EPHA3: variants seen among roughly 807,000 people sequenced by gnomAD.
EPHA3 encodes the protein EPH receptor A3, also known as ephrin type-A receptor 3.
A neutral mutation model predicts 107.1 loss-of-function variants in EPHA3; 42 were observed. That is an observed-to-expected ratio of 0.39 (90% CI 0.31 to 0.51). The LOEUF is 0.51. EPHA3 is among the 20% of genes least tolerant of loss of function. EPHA3 has a pLI of 0.78. For missense variants in EPHA3, 1,183 were observed against 1,211.2 expected (o/e 0.98, Z 0.35); for synonymous variants, 461 against 424.8 (o/e 1.09, Z -1.05).
chr3:89,127,262 C>T lies in EPHA3; in HGVS notation c.142C>T (p.Pro48Ser). 6.2e-7 allele frequency: 1 copy of T among 1,612,032 alleles called. No homozygotes were observed. Among genetic ancestry groups the T allele is most frequent in the Non-Finnish European group, 8.5e-7 (1 of 1,178,454 alleles). ...AGGGGAGCTGGGCTGGATCTCTTAT[C>T]CATCACATGGGGTGAGTTCAATAAA... is the stretch of plus-strand genomic sequence containing the variant. ...IQGELGWISY[P>S]SHGWEEISGV... Residue 48 changes from proline (P) to serine (S), a missense_variant, in exon 2 of 17, where the codon CCA becomes TCA. By Grantham distance (74) the Pro-to-Ser change is moderately conservative (BLOSUM62 -1). Coordinates refer to ENST00000336596, the MANE Select transcript of EPHA3 (RefSeq NM_005233.6).
chr3:89,219,688 G>GTGTTTTTTTTTTTTTTTT lies in EPHA3; in HGVS notation c.814+9169_814+9170insGTTTTTTTTTTTTTTTTT. Reference sequence around the variant, plus strand: ...TTACCTCCAAGAGGCATTTGGCAATGTTTTTTTTTTTTTTGTTTTTTGTTT... The same window carrying GTGTTTTTTTTTTTTTTTT: ...TTACCTCCAAGAGGCATTTGGCAATGTGTTTTTTTTTTTTTTTTTTTTTTTTTTTTTTGTTTTTTGTTT... On this transcript the variant is annotated intron_variant, in intron 3 of 16. Transcript: ENST00000336596. Among the ~76,000 whole-genome samples the GTGTTTTTTTTTTTTTTTT allele has an allele frequency of 6.2e-3, 212 of 34,440 alleles. 93 individuals carry two copies. Among genetic ancestry groups the GTGTTTTTTTTTTTTTTTT allele is most frequent in the Non-Finnish European group, 9.0e-3 (173 of 19,124 alleles). 22.6% of individuals were successfully genotyped at this position (34,440 alleles called of 152,430 possible). A position where few individuals can be genotyped will look rare whatever the true frequency, so the allele number is the denominator to read the frequency against.
intron 2 of EPHA3, among the ~76,000 whole-genome samples, chr3:89,165,435 C>T (rs1224549776): frequency 6.6e-6 from 1 of 152,112 alleles, no homozygotes; most frequent in African/African-American, 2.4e-5. Context: ...AAATATATTT[C>T]AAATTGGTTC....
At chr3:89,184,012 G>GT (rs561133881) in intron 2 of EPHA3, among the ~76,000 whole-genome samples, 13 of 151,472 alleles carry the variant, frequency 8.6e-5, no homozygotes, top group South Asian at 4.2e-4. Context: ...AGTATTTTGT[G>GT]TTTTTTTTAA....
At chr3:89,128,299 C>T (rs1302523826) in intron 2 of EPHA3, among the ~76,000 whole-genome samples, 1 of 152,100 alleles carries the variant, frequency 6.6e-6, no homozygotes, top group Admixed American at 6.5e-5. Flanking sequence ...TCCTGACACA[C>T]CTTGACTTTG....
intron 2 of EPHA3, among the ~76,000 whole-genome samples, chr3:89,183,691 T>A (rs7373480): frequency 0.95 from 144,436 of 152,044 alleles, 68,688 homozygotes; most frequent in African/African-American, 0.97. Flanking sequence ...GATGATTTTT[T>A]AAAGACTTTA....
At chr3:89,349,726 T>A (rs1707761218) in intron 5 of EPHA3, among the ~76,000 whole-genome samples, 1 of 150,274 alleles carries the variant, frequency 6.7e-6, no homozygotes, top group Admixed American at 6.7e-5. Flanking sequence ...GGTCTTTACA[T>A]TTTGGCATGA....
chr3:89,298,307 C>CA (rs1229361272), intron 3 of EPHA3, among the ~76,000 whole-genome samples: 3 of 152,018 alleles, frequency 2.0e-5, no homozygotes, highest in Non-Finnish European at 2.9e-5. Flanking sequence ...GTGTTCTCTG[C>CA]AAAAAAACTC....
At chr3:89,403,869 A>T (rs1351122118) in intron 7 of EPHA3, among the ~76,000 whole-genome samples, 3 of 152,196 alleles carry the variant, frequency 2.0e-5, no homozygotes, top group African/African-American at 4.8e-5. Flanking sequence ...TATTACTTGT[A>T]AAGTGCTTAA....
chr3:89,273,610 T>C (rs1197047352), intron 3 of EPHA3, among the ~76,000 whole-genome samples: 1 of 151,902 alleles, frequency 6.6e-6, no homozygotes, highest in African/African-American at 2.4e-5. Context: ...AGTTATATTG[T>C]ATAAAGTTGC....
chr3:89,184,194 G>C (rs536751707), intron 2 of EPHA3, among the ~76,000 whole-genome samples: 4 of 151,996 alleles, frequency 2.6e-5, no homozygotes, highest in Non-Finnish European at 5.9e-5. Context: ...AAAGAAACCA[G>C]TTCCCCTAAG....
chr3:89,166,851 G>C (rs6551400), intron 2 of EPHA3, among the ~76,000 whole-genome samples: 34,267 of 152,026 alleles, frequency 0.23, 4,006 homozygotes, highest in Middle Eastern at 0.33. Flanking sequence ...GAAAGCATCA[G>C]TTAACAAACA....
chr3:89,285,054 G>A (rs1343781885), intron 3 of EPHA3, among the ~76,000 whole-genome samples: 3 of 152,064 alleles, frequency 2.0e-5, no homozygotes, highest in Non-Finnish European at 2.9e-5. Flanking sequence ...AACCCAGGGG[G>A]CAGAGGTGCA....
chr3:89,475,735 C>T (rs1484378908), intron 16 of EPHA3, among the ~76,000 whole-genome samples: 2 of 152,174 alleles, frequency 1.3e-5, no homozygotes, highest in Non-Finnish European at 2.9e-5. Context: ...CCTTGGATGC[C>T]ATTTTCAAAG....
chr3:89,174,910 GA>G (rs560806175), intron 2 of EPHA3, among the ~76,000 whole-genome samples: 6 of 149,322 alleles, frequency 4.0e-5, no homozygotes, highest in East Asian at 2.0e-4. Flanking sequence ...ATGTGCAGAG[GA>G]AAAAAAAAGC....
chr3:89,452,386 G>T (rs954586936), intron 15 of EPHA3, among the ~76,000 whole-genome samples: 9 of 151,894 alleles, frequency 5.9e-5, no homozygotes, highest in African/African-American at 2.2e-4. Flanking sequence ...TTTGATAATA[G>T]CCATCCTAAC....
At chr3:89,194,855 A>C (rs765668105) in intron 2 of EPHA3, among the ~76,000 whole-genome samples, 8 of 152,122 alleles carry the variant, frequency 5.3e-5, no homozygotes, top group Non-Finnish European at 8.8e-5. Context: ...CTTTTCCAGC[A>C]GTATATACCA....
chr3:89,301,361 AC>A (rs1163549164), intron 3 of EPHA3, among the ~76,000 whole-genome samples: 2 of 152,058 alleles, frequency 1.3e-5, no homozygotes, highest in African/African-American at 4.8e-5. Context: ...TGATAATGTC[AC>A]TTTTTAGTAA....
chr3:89,130,753 G>A (rs1479613628), intron 2 of EPHA3, among the ~76,000 whole-genome samples: 1 of 151,726 alleles, frequency 6.6e-6, no homozygotes, highest in Non-Finnish European at 1.5e-5. Context: ...TCCTGCCTCA[G>A]CCTCCCGAGT....
At chr3:89,460,976 C>A (rs1327996776) in intron 15 of EPHA3, among the ~76,000 whole-genome samples, 2 of 120,736 alleles carry the variant, frequency 1.7e-5, no homozygotes, top group African/African-American at 6.5e-5. Context: ...TCCCTCCCCC[C>A]TCCCCCGACC....
Sources: allele counts gnomAD v4.1 joint callset (sites outside exome capture counted in the v4.1 genomes callset), GRCh38; gene constraint gnomAD v4.1.1; transcripts MANE v1.5; gene names NCBI Gene and HGNC (gene_info 2026-07-23, HGNC 2026-07-21).